Variants in BCAR3 observed in about 807,000 individuals in gnomAD.
BCAR3 encodes BCAR3 adaptor protein, NSP family member, also known as breast cancer anti-estrogen resistance protein 3.
BCAR3 carries 37 observed loss-of-function variants against 80.1 expected under a neutral mutation model. That is an observed-to-expected ratio of 0.46 (90% CI 0.36 to 0.61). The LOEUF (loss-of-function observed/expected upper bound fraction) is 0.61, where lower values mean the gene tolerates loss of function less well. BCAR3 is among the 20% of genes least tolerant of loss of function. The pLI is 0.00. For synonymous variants in BCAR3, 389 were observed against 418.9 expected, an observed-to-expected ratio of 0.93 and a Z score of 0.87; for missense variants, 978 against 1,068.2, an observed-to-expected ratio of 0.92 and a Z score of 1.18.
At chr1:93,621,036 C>T (rs984565663) in intron 3 of BCAR3, among the ~76,000 whole-genome samples, 2 of 152,212 alleles carry the variant, frequency 1.3e-5, no homozygotes, top group Non-Finnish European at 2.9e-5. Flanking sequence ...AGGGATCACC[C>T]GCCTAGGAAG....
intron 2 of BCAR3, among the ~76,000 whole-genome samples, chr1:93,784,712 G>A (rs1652881238): frequency 1.3e-5 from 2 of 152,180 alleles, no homozygotes; most frequent in Non-Finnish European, 2.9e-5. Flanking sequence ...TGACATTTTG[G>A]AAACAAAATC....
chr1:93,839,270 A>G (rs1375331284), intron 2 of BCAR3, among the ~76,000 whole-genome samples: 4 of 152,220 alleles, frequency 2.6e-5, no homozygotes, highest in South Asian at 2.1e-4. Context: ...CTGGGCAAAA[A>G]GAGTGAAACT....
intron 1 of BCAR3, among the ~76,000 whole-genome samples, chr1:93,680,266 T>C (rs1290556658): frequency 1.3e-5 from 2 of 152,278 alleles, no homozygotes; most frequent in East Asian, 3.9e-4. Flanking sequence ...GAACAGGAGA[T>C]TTAGACCTTG....
At chr1:93,812,109 T>TA (rs1653865804) in intron 2 of BCAR3, among the ~76,000 whole-genome samples, 2 of 152,338 alleles carry the variant, frequency 1.3e-5, no homozygotes, top group African/African-American at 2.4e-5. Context: ...TTGATTTTTT[T>TA]AAAAAACATC....
At chr1:93,690,211 T>A (rs751093730) in intron 3 of BCAR3, among the ~76,000 whole-genome samples, 1 of 152,228 alleles carries the variant, frequency 6.6e-6, no homozygotes, top group African/African-American at 2.4e-5. Context: ...ACAAATGTCT[T>A]GAAGAATTTC....
At chr1:93,769,355 A>ATGTGTGTGTGTGTGTGTGTG (rs59798936) in intron 2 of BCAR3, among the ~76,000 whole-genome samples, 12 of 119,840 alleles carry the variant, frequency 1.0e-4, no homozygotes, top group African/African-American at 3.2e-4. Flanking sequence ...GTGGGTAGGA[A>ATGTGTGTGTGTGTGTGTGTG]TGTGTGTGTG....
intron 2 of BCAR3, among the ~76,000 whole-genome samples, chr1:93,762,305 T>A (rs896812374): frequency 6.6e-6 from 1 of 152,138 alleles, no homozygotes. Flanking sequence ...CATCAACTCA[T>A]GCTAACAGAC....
At chr1:93,593,249 AACAG>A (rs1674283530) in intron 3 of BCAR3, among the ~76,000 whole-genome samples, 1 of 152,212 alleles carries the variant, frequency 6.6e-6, no homozygotes. Context: ...AAGTCCCATG[AACAG>A]AAAAAGGCTG....
chr1:93,745,976 G>GA (rs1651345339), intron 2 of BCAR3, among the ~76,000 whole-genome samples: 1 of 152,228 alleles, frequency 6.6e-6, no homozygotes, highest in Admixed American at 6.5e-5. Flanking sequence ...GAAGATAGAA[G>GA]CTTTTATTCA....
intron 3 of BCAR3, among the ~76,000 whole-genome samples, chr1:93,593,436 G>A (rs1043846930): frequency 6.6e-6 from 1 of 151,972 alleles, no homozygotes; most frequent in Non-Finnish European, 1.5e-5. Context: ...CTGTAGCCTT[G>A]GCCTCCTGGG....
chr1:93,641,815 C>T (rs1458002740), intron 3 of BCAR3, among the ~76,000 whole-genome samples: 1 of 152,178 alleles, frequency 6.6e-6, no homozygotes, highest in Admixed American at 6.5e-5. Context: ...TCCTCATCTA[C>T]ATTCCAAAAT....
chr1:93,832,882 C>T (rs1654621903), intron 2 of BCAR3, among the ~76,000 whole-genome samples: 1 of 152,268 alleles, frequency 6.6e-6, no homozygotes, highest in Non-Finnish European at 1.5e-5. Context: ...CACCTCACTG[C>T]CACCTTTTCC....
chr1:93,782,445 T>C (rs1275682877), intron 2 of BCAR3, among the ~76,000 whole-genome samples: 11 of 152,208 alleles, frequency 7.2e-5, no homozygotes, highest in Non-Finnish European at 1.3e-4. Flanking sequence ...TCTTCAGCAG[T>C]GCTGATACTA....
At chr1:93,570,222 C>G (rs751187095) in intron 9 of BCAR3, among the ~76,000 whole-genome samples, 5 of 152,146 alleles carry the variant, frequency 3.3e-5, no homozygotes, top group Admixed American at 6.6e-5. Flanking sequence ...AAATTCTATT[C>G]CTGCCATGAT....
At position 93,707,034 on chromosome 1, in the gene BCAR3, G is replaced by C. The variant is rs185763630; in HGVS notation, c.-62-892C>G. Among the ~76,000 whole-genome samples, 587 of 152,084 alleles carry C rather than the reference G, an allele frequency of 3.9e-3. 4 individuals carry two copies. The highest frequency in any genetic ancestry group is 0.014 in the African/African-American group (564 of 41,478). On this transcript the variant is annotated intron_variant, in intron 2 of 13. Transcript: ENST00000370244. ...TACTAAAAATACAAAAATTAACCAG[G>C]TGTGGTGGCGGGCGCCTGTAATCCC...
At chr1:93,749,958 G>A (rs960787527) in intron 2 of BCAR3, among the ~76,000 whole-genome samples, 14 of 151,162 alleles carry the variant, frequency 9.3e-5, no homozygotes, top group Non-Finnish European at 1.9e-4. Context: ...TGATAAATGG[G>A]GGTTTCCTTA....
At chr1:93,648,042 G>C (rs1676201072) in intron 2 of BCAR3, among the ~76,000 whole-genome samples, 1 of 152,072 alleles carries the variant, frequency 6.6e-6, no homozygotes, top group African/African-American at 2.4e-5. Context: ...CCAAAGTGCT[G>C]GGATTACAGA....
intron 3 of BCAR3, chr1:93,594,483 G>A (rs1674342326): frequency 6.6e-6 from 1 of 152,398 alleles, no homozygotes; most frequent in Non-Finnish European, 1.5e-5. Flanking sequence ...AATTGGCTGG[G>A]TGGAAGGTCT....
chr1:93,781,340 C>G, intron 2 of BCAR3, among the ~76,000 whole-genome samples: 1 of 152,116 alleles, frequency 6.6e-6, no homozygotes, highest in South Asian at 2.1e-4. Flanking sequence ...TGGCCAACAA[C>G]CTGGATTTGA....
Sources: allele counts gnomAD v4.1 joint callset (sites outside exome capture counted in the v4.1 genomes callset), GRCh38; gene constraint gnomAD v4.1.1; transcripts MANE v1.5; gene names NCBI Gene and HGNC (gene_info 2026-07-23, HGNC 2026-07-21).